Variants in DACH2 observed in about 807,000 individuals in gnomAD.
The protein encoded by DACH2 is dachshund family transcription factor 2.
Under a neutral mutation model 35.8 loss-of-function variants are expected in DACH2, and 17 were observed. That is an observed-to-expected ratio of 0.48 (90% CI 0.33 to 0.71). The LOEUF (loss-of-function observed/expected upper bound fraction) is 0.71. DACH2 is among the 30% of genes least tolerant of loss of function. DACH2 has a pLI of 0.02. For missense variants in DACH2, 469 were observed against 472.7 expected (o/e 0.99, Z 0.07); for synonymous variants, 195 against 177.3 (o/e 1.10, Z -0.79).
chrX:86,796,220 G>A lies in DACH2; in HGVS notation c.1241-16636G>A, dbSNP rs954861794. ...CTAGACCCAGAGCGCTGACTGGTGC[G>A]TTTTTACAGAGTGCTGATTGGTGCG... On this transcript the variant is annotated intron_variant, in intron 7 of 11. Transcript: ENST00000373125. Among the ~76,000 whole-genome samples, 35 of 111,661 alleles carry A rather than the reference G, an allele frequency of 3.1e-4. 1 individual carries two copies. The highest frequency in any genetic ancestry group is 2.3e-3 in the East Asian group (8 of 3,514).
At chrX:86,416,621 A>T (rs1424588177) in intron 2 of DACH2, among the ~76,000 whole-genome samples, 1 of 111,480 alleles carries the variant, frequency 9.0e-6, no homozygotes, top group East Asian at 2.8e-4. Context: ...AATACTTGAG[A>T]AAAGGGATTT....
chrX:86,398,459 CT>C (rs1290761800), intron 2 of DACH2, among the ~76,000 whole-genome samples: 1 of 111,947 alleles, frequency 8.9e-6, no homozygotes, highest in Non-Finnish European at 1.9e-5. Context: ...TCTTGCTTCT[CT>C]AGTTCTTTTA....
At chrX:86,823,283 T>C (rs546648855) in intron 11 of DACH2, among the ~76,000 whole-genome samples, 1 of 112,018 alleles carries the variant, frequency 8.9e-6, no homozygotes, top group African/African-American at 3.2e-5. Flanking sequence ...TAGCATAAAG[T>C]TTTATTTATT....
At chrX:86,471,964 C>A (rs1017132616) in intron 2 of DACH2, among the ~76,000 whole-genome samples, 5 of 111,742 alleles carry the variant, frequency 4.5e-5, no homozygotes, top group Admixed American at 2.8e-4. Context: ...AAAATGTATG[C>A]ATATTTGAAA....
chrX:86,566,215 C>A, intron 3 of DACH2, among the ~76,000 whole-genome samples: 1 of 111,729 alleles, frequency 9.0e-6, no homozygotes, highest in Admixed American at 9.5e-5. Flanking sequence ...TTTAAAAGTA[C>A]ATTTGTGTTT....
chrX:86,742,579 C>G (rs1045268102), intron 7 of DACH2: 10 of 181,120 alleles, frequency 5.5e-5, no homozygotes, highest in Admixed American at 2.7e-4. Context: ...TCGTGTGACA[C>G]TTTTCTGCCT....
At chrX:86,528,793 A>T (rs768066850) in intron 3 of DACH2, among the ~76,000 whole-genome samples, 1 of 112,131 alleles carries the variant, frequency 8.9e-6, no homozygotes, top group Non-Finnish European at 1.9e-5. Flanking sequence ...TCTGTAGATA[A>T]TTTTTTGAAT....
At chrX:86,180,617 A>G (rs1292247750) in intron 1 of DACH2, among the ~76,000 whole-genome samples, 1 of 110,905 alleles carries the variant, frequency 9.0e-6, no homozygotes, top group Non-Finnish European at 1.9e-5. Flanking sequence ...TCAGGCCACT[A>G]AGAAGACCCA....
rs929340582 is a variant in DACH2, at chrX:86,368,306, C to A, written c.489-8518C>A. On this transcript the variant is annotated intron_variant, in intron 1 of 11. Transcript: ENST00000373125. ...GGTCATAATTTCTCTCTTTTTAGAT[C>A]GTAATATTCCTGATGTAAGATACTA... is the stretch of plus-strand genomic sequence containing the variant. 5.4e-5 allele frequency among the ~76,000 whole-genome samples: 6 copies of A among 111,202 alleles called. No individual in the cohort carries two copies. The Admixed American group carries it at 5.8e-4, about 11-fold the overall frequency.
chrX:86,522,819 G>A (rs1234193420), intron 3 of DACH2, among the ~76,000 whole-genome samples: 2 of 111,349 alleles, frequency 1.8e-5, no homozygotes, highest in Admixed American at 9.6e-5. Flanking sequence ...GGATACACAG[G>A]GAGAAAAGGA....
At chrX:86,490,106 T>A (rs1008976844) in intron 2 of DACH2, among the ~76,000 whole-genome samples, 4 of 112,150 alleles carry the variant, frequency 3.6e-5, no homozygotes, top group African/African-American at 1.3e-4. Context: ...TGCTTTTTTA[T>A]TCACTCTTTA....
In DACH2 at chrX:86,503,845, T is replaced by C. The variant is rs572698070; in HGVS notation, c.528-10434T>C. ...TAGAAGGAAATAGGAAAATAATCTT[T>C]GTCAGCTATTGGATCTTGGTAGGTT... On this transcript the variant is annotated intron_variant, in intron 2 of 11. Transcript: ENST00000373125. Among the ~76,000 whole-genome samples the C allele has an allele frequency of 9.8e-5, 11 of 111,815 alleles. No individual in the cohort carries two copies. In the South Asian group the frequency reaches 3.7e-3, roughly 38 times the overall value.
intron 2 of DACH2, among the ~76,000 whole-genome samples, chrX:86,400,169 G>A (rs759290090): frequency 6.3e-5 from 7 of 111,311 alleles, no homozygotes; most frequent in African/African-American, 1.3e-4. Flanking sequence ...CCAGTTGATC[G>A]CATCGGCTAC....
At chrX:86,403,585 C>T (rs2036472725) in intron 2 of DACH2, among the ~76,000 whole-genome samples, 1 of 111,834 alleles carries the variant, frequency 8.9e-6, no homozygotes, top group African/African-American at 3.3e-5. Context: ...AACACTTATG[C>T]ACTGTGGGAA....
intron 3 of DACH2, among the ~76,000 whole-genome samples, chrX:86,637,838 C>T (rs919967035): frequency 5.4e-5 from 6 of 110,878 alleles, no homozygotes; most frequent in Non-Finnish European, 7.6e-5. Flanking sequence ...ACAAATTTAC[C>T]GACATACTAA....
At chrX:86,276,194 G>C (rs1306654827) in intron 1 of DACH2, among the ~76,000 whole-genome samples, 3 of 111,826 alleles carry the variant, frequency 2.7e-5, no homozygotes, top group African/African-American at 9.8e-5. Flanking sequence ...GCCAGCCTTT[G>C]TTATTGCCTG....
At chrX:86,418,998 A>G (rs750107912) in intron 2 of DACH2, among the ~76,000 whole-genome samples, 6 of 111,789 alleles carry the variant, frequency 5.4e-5, no homozygotes, top group African/African-American at 1.9e-4. Flanking sequence ...TCTCTTTGCT[A>G]AAACATAACA....
intron 3 of DACH2, among the ~76,000 whole-genome samples, chrX:86,531,518 G>C (rs768917741): frequency 2.7e-5 from 3 of 112,162 alleles, no homozygotes; most frequent in African/African-American, 6.5e-5. Context: ...CCTTCAGAGA[G>C]TGCAAGCCCC....
chrX:86,547,018 T>G (rs757617288), intron 3 of DACH2, among the ~76,000 whole-genome samples: 1 of 111,266 alleles, frequency 9.0e-6, no homozygotes, highest in Non-Finnish European at 1.9e-5. Context: ...CTAATCCCCT[T>G]TATCTGGACC....
Sources: allele counts gnomAD v4.1 joint callset (sites outside exome capture counted in the v4.1 genomes callset), GRCh38; gene constraint gnomAD v4.1.1; transcripts MANE v1.5; gene names NCBI Gene and HGNC (gene_info 2026-07-23, HGNC 2026-07-21).